The following CPQ variants were observed in gnomAD, a reference collection of about 807,000 sequenced individuals.
CPQ encodes Ser-Met dipeptidase.
In CPQ, 37 loss-of-function variants were observed where a neutral mutation model predicts 45.7. The observed-to-expected ratio is 0.81, with a 90% CI of 0.62 to 1.07. The LOEUF (loss-of-function observed/expected upper bound fraction) is 1.07, where lower values mean the gene tolerates loss of function less well. Ranked by LOEUF, CPQ falls within the 50% of genes least tolerant of loss-of-function variation. The pLI is 0.00. For synonymous variants in CPQ, 186 were observed against 205.8 expected, an observed-to-expected ratio of 0.90 and a Z score of 0.82; for missense variants, 537 against 572.9, an observed-to-expected ratio of 0.94 and a Z score of 0.64.
intron 7 of CPQ, among the ~76,000 whole-genome samples, chr8:97,122,960 A>AT (rs1563586839): frequency 1.4e-4 from 12 of 87,336 alleles, no homozygotes; most frequent in African/African-American, 2.5e-4. Context: ...ATAAAATAAA[A>AT]TAAAATAAAA....
chr8:96,906,770 T>G (rs1051544294), intron 4 of CPQ, among the ~76,000 whole-genome samples: 1 of 152,148 alleles, frequency 6.6e-6, no homozygotes, highest in Non-Finnish European at 1.5e-5. Flanking sequence ...ATGAGGACTC[T>G]GCCCTCATGA....
At chr8:96,901,529 T>C (rs1812511640) in intron 4 of CPQ, among the ~76,000 whole-genome samples, 1 of 152,218 alleles carries the variant, frequency 6.6e-6, no homozygotes, top group Non-Finnish European at 1.5e-5. Context: ...GTAATCAGAA[T>C]ACATTTTGCT....
intron 1 of CPQ, among the ~76,000 whole-genome samples, chr8:96,758,401 T>C (rs890064915): frequency 1.3e-5 from 2 of 152,196 alleles, no homozygotes; most frequent in Admixed American, 1.3e-4. Context: ...TTTTATGTGG[T>C]TGTAAAAATA....
intron 3 of CPQ, among the ~76,000 whole-genome samples, chr8:96,873,625 A>T (rs993565382): frequency 2.0e-5 from 3 of 151,800 alleles, no homozygotes; most frequent in African/African-American, 7.2e-5. Context: ...CTTTAAAAAA[A>T]ACTCTATGGA....
intron 4 of CPQ, among the ~76,000 whole-genome samples, chr8:96,921,308 A>G (rs2130911196): frequency 6.6e-6 from 1 of 152,214 alleles, no homozygotes; most frequent in South Asian, 2.1e-4. Context: ...GTGACTGTGG[A>G]TTGCTGCCTA....
intron 4 of CPQ, among the ~76,000 whole-genome samples, chr8:96,921,351 A>G (rs780203613): frequency 4.6e-5 from 7 of 152,204 alleles, no homozygotes; most frequent in African/African-American, 7.2e-5. Context: ...AAATTTGCCA[A>G]TCTCAAAAGA....
chr8:97,025,449 T>G (rs538639809), intron 5 of CPQ, among the ~76,000 whole-genome samples: 2 of 152,288 alleles, frequency 1.3e-5, no homozygotes, highest in African/African-American at 4.8e-5. Context: ...CTCTGGCAAC[T>G]TCTATATATT....
At chr8:96,717,647 T>C (rs1809700222) in intron 1 of CPQ, among the ~76,000 whole-genome samples, 1 of 151,840 alleles carries the variant, frequency 6.6e-6, no homozygotes, top group Non-Finnish European at 1.5e-5. Context: ...CCAGGGGAGG[T>C]ACTCAGACAA....
At chr8:96,660,883 G>C (rs1815693605) in intron 1 of CPQ, among the ~76,000 whole-genome samples, 2 of 152,044 alleles carry the variant, frequency 1.3e-5, no homozygotes, top group Non-Finnish European at 1.5e-5. Context: ...TCTCTCCAGA[G>C]ATAATCCTGC....
intron 6 of CPQ, among the ~76,000 whole-genome samples, chr8:97,031,281 G>T (rs945145852): frequency 7.3e-5 from 11 of 150,962 alleles, no homozygotes; most frequent in African/African-American, 2.7e-4. Context: ...CCGCCTCCTG[G>T]GTTCAAGTGA....
rs77029498 is a variant in CPQ, at chr8:96,735,720, G to A, written c.-34-49144G>A. 6.5e-3 allele frequency among the ~76,000 whole-genome samples: 989 copies of A among 152,250 alleles called. 9 individuals are homozygous for A. Among genetic ancestry groups the A allele is most frequent in the South Asian group, 0.025 (122 of 4,818 alleles). On this transcript the variant is annotated intron_variant, in intron 1 of 7. Transcript: ENST00000220763. The stretch of plus-strand genomic sequence containing the variant: ...TGTGGCCACTTCCATAGACCCATCT[G>A]CAGACAGGCCTTTACTCAGATCTTC...
chr8:96,947,174 G>A (rs1279554775), intron 4 of CPQ, among the ~76,000 whole-genome samples: 1 of 152,168 alleles, frequency 6.6e-6, no homozygotes, highest in African/African-American at 2.4e-5. Context: ...TCTCTAGAGT[G>A]AGATATATTG....
intron 1 of CPQ, among the ~76,000 whole-genome samples, chr8:96,735,323 T>C (rs1809968320): frequency 6.6e-6 from 1 of 152,220 alleles, no homozygotes; most frequent in Non-Finnish European, 1.5e-5. Context: ...ATGCATGTGC[T>C]CAGCCCATTG....
chr8:96,862,194 T>C (rs1231346018), intron 3 of CPQ, among the ~76,000 whole-genome samples: 1 of 152,008 alleles, frequency 6.6e-6, no homozygotes, highest in Non-Finnish European at 1.5e-5. Flanking sequence ...CTTCCGCTTA[T>C]GCATACGGGA....
chr8:97,014,868 T>G (rs990538013), intron 5 of CPQ, among the ~76,000 whole-genome samples: 3 of 152,058 alleles, frequency 2.0e-5, no homozygotes, highest in African/African-American at 7.2e-5. Flanking sequence ...AAAAGGAGCA[T>G]GATAACAGAA....
At chr8:96,783,478 CAAACCCCTTCCTGCAATA>C (rs1425788483) in intron 1 of CPQ, among the ~76,000 whole-genome samples, 1 of 152,126 alleles carries the variant, frequency 6.6e-6, no homozygotes, top group Non-Finnish European at 1.5e-5. Context: ...AAAGGAGACA[CAAACCCCTTCCTGCAATA>C]AACATTAGTT....
intron 3 of CPQ, among the ~76,000 whole-genome samples, chr8:96,860,615 G>A (rs1020621646): frequency 6.6e-6 from 1 of 152,050 alleles, no homozygotes; most frequent in African/African-American, 2.4e-5. Flanking sequence ...GGTGAACATG[G>A]GGTGTGCAAA....
intron 1 of CPQ, among the ~76,000 whole-genome samples, chr8:96,686,477 A>G (rs1402395523): frequency 1.3e-5 from 2 of 151,918 alleles, no homozygotes; most frequent in Admixed American, 6.6e-5. Context: ...TTCTCTTTTT[A>G]TTATTAACAT....
rs538564292 is a variant in CPQ, at chr8:96,817,288, C to G, written c.434-17685C>G. On this transcript the variant is annotated intron_variant, in intron 2 of 7. Transcript: ENST00000220763. ...GCCCTCTTTCCTTAAATGAACCAACCTCTGCTAGCTTATATGGGTGCAGTT... is the reference window on the plus strand; with the variant it reads ...GCCCTCTTTCCTTAAATGAACCAACGTCTGCTAGCTTATATGGGTGCAGTT... Among the ~76,000 whole-genome samples the G allele has an allele frequency of 1.2e-4, 19 of 152,242 alleles. 1 individual carries two copies. Among genetic ancestry groups the G allele is most frequent in the Non-Finnish European group, 5.9e-5 (4 of 68,010 alleles).
Sources: gnomAD v4.1 joint callset for allele counts (sites outside exome capture counted in the v4.1 genomes callset) on GRCh38, gnomAD v4.1.1 for gene constraint, MANE v1.5 for transcripts, NCBI Gene and HGNC (gene_info 2026-07-23, HGNC 2026-07-21) for gene names.